Variants in SYPL1 observed in about 807,000 individuals in gnomAD.
SYPL1 encodes the protein synaptophysin like 1, also known as synaptophysin-like protein 1.
A neutral mutation model predicts 23.7 loss-of-function variants in SYPL1; 6 were observed. The ratio of observed to expected loss-of-function variants is 0.25; its 90% CI spans 0.14 to 0.50. SYPL1 has a LOEUF of 0.50. Ranked by LOEUF, SYPL1 falls within the 20% of genes least tolerant of loss-of-function variation. SYPL1 has a pLI of 0.98. For synonymous variants in SYPL1, 102 were observed against 104.5 expected, an observed-to-expected ratio of 0.98 and a Z score of 0.15; for missense variants, 253 against 288.9, an observed-to-expected ratio of 0.88 and a Z score of 0.90.
Position 106,099,151 on chromosome 7 carries a change from AACTC to A in SYPL1, c.194+3_194+6del. 1 of 1,601,068 alleles carries A rather than the reference AACTC, an allele frequency of 6.2e-7. No individual in the cohort carries two copies. The highest frequency in any genetic ancestry group is 1.1e-5 in the South Asian group (1 of 87,634). On this transcript the variant is annotated splice_donor_5th_base_variant and intron_variant, in intron 2 of 4. Transcript: ENST00000455385. ...GTTGTGAAACCATTAAAATAAATAT[AACTC>A]ACCTGAATGGATAACCAAAAGTAGC...
chr7:106,112,200 G>A lies in SYPL1; in HGVS notation c.9C>T (p.Gly3=), dbSNP rs1464004187. 6.5e-7 allele frequency: 1 copy of A among 1,543,644 alleles called. No homozygotes were observed. Among genetic ancestry groups the A allele is most frequent in the Admixed American group, 1.8e-5 (1 of 56,028 alleles). Residue 3 remains glycine, a synonymous_variant, in exon 1 of 5, where the codon GGC becomes GGT. Coordinates refer to ENST00000455385, the MANE Select transcript of SYPL1 (RefSeq NM_182715.4). MS[G]FQINLNPLKE... is the part of the protein sequence containing the mutation. ...TGAGCGGGTTGAGGTTGATCTGGAA[G>A]CCGGACATCCTCTGAGGAAAGGAGG...
chr7:106,112,135 CTCACCCACTCGAGGACCT>C lies in SYPL1; in HGVS notation c.56_69+4del. ...GCGGGCCTGGCCGGCGCGGGCTGCA[CTCACCCACTCGAGGACCT>C]TGATGAAGCCGAGTGGCTCCTTGAG... On this transcript the variant is annotated splice_donor_variant and splice_donor_region_variant and coding_sequence_variant and intron_variant, in exon 1 of 5. Transcript: ENST00000455385. LOFTEE classifies it high-confidence loss of function. The C allele has an allele frequency of 6.6e-7, 1 of 1,509,780 alleles. No homozygotes were observed. The highest frequency in any genetic ancestry group is 8.9e-7 in the Non-Finnish European group (1 of 1,118,688). 93.5% of individuals were successfully genotyped at this position (1,509,780 alleles called of 1,614,324 possible).
chr7:106,102,847 C>T (rs1161841072), intron 1 of SYPL1, among the ~76,000 whole-genome samples: 1 of 152,028 alleles, frequency 6.6e-6, no homozygotes, highest in Non-Finnish European at 1.5e-5. Flanking sequence ...ATGAGCTGCA[C>T]ACAAAAGTAA....
intron 1 of SYPL1, among the ~76,000 whole-genome samples, chr7:106,105,097 T>C (rs1840525571): frequency 6.6e-6 from 1 of 152,190 alleles, no homozygotes; most frequent in African/African-American, 2.4e-5. Context: ...GCAGAGTATG[T>C]GCTTTCCAGG....
rs1491382184 is a variant in SYPL1, at chr7:106,091,340, A to AT, written c.*464dup. The AT allele has an allele frequency of 6.5e-6, 1 of 152,752 alleles. No individual in the cohort carries two copies. The highest frequency in any genetic ancestry group is 1.9e-4 in the East Asian group (1 of 5,200). 9.5% of individuals were successfully genotyped at this position (152,752 alleles called of 1,614,324 possible). A position where few individuals can be genotyped will look rare whatever the true frequency, so the allele number is the denominator to read the frequency against. On this transcript the variant is annotated 3_prime_UTR_variant, in exon 5 of 5. Transcript: ENST00000455385. This position sits in a 1 kb window ranked among gnomAD's most constrained non-coding sequence, Gnocchi z 5.0. ...ATGTTAGATATAAATTTTGAACTCA[A>AT]TATGTTTTTTCCTACATATTTATGT...
chr7:106,105,041 C>T (rs1018090842), intron 1 of SYPL1, among the ~76,000 whole-genome samples: 4 of 152,176 alleles, frequency 2.6e-5, no homozygotes, highest in Non-Finnish European at 4.4e-5. Context: ...CCTACATTCT[C>T]ATAAAGCAAC....
In SYPL1 at chr7:106,095,140, A is replaced by G. The variant is rs1839952603; in HGVS notation, c.403-2003T>C. 6.6e-6 allele frequency among the ~76,000 whole-genome samples: 1 copy of G among 152,084 alleles called. No individual in the cohort carries two copies. Among genetic ancestry groups the G allele is most frequent in the Non-Finnish European group, 1.5e-5 (1 of 68,012 alleles). ...ATTTTCCACATTGCCTTGAAACCTT[A>G]AACTCCTGCTACTTAACAAAAAAAA... On this transcript the variant is annotated intron_variant, in intron 3 of 4. Transcript: ENST00000455385. This position sits in a 1 kb window ranked among gnomAD's most constrained non-coding sequence, Gnocchi z 4.3.
At position 106,096,020 on chromosome 7, in the gene SYPL1, G is replaced by C. The variant is rs1258450497; in HGVS notation, c.402+1670C>G. 1.3e-5 allele frequency among the ~76,000 whole-genome samples: 2 copies of C among 152,014 alleles called. No homozygotes were observed. The highest frequency in any genetic ancestry group is 2.9e-5 in the Non-Finnish European group (2 of 67,990). ...AAAAAATTTGTTGGGATGACAAAAT[G>C]GCAAGAAATAGCTTCTAGTTATAAA... On this transcript the variant is annotated intron_variant, in intron 3 of 4. Coordinates refer to ENST00000455385, the MANE Select transcript of SYPL1 (RefSeq NM_182715.4). This position sits in a 1 kb window ranked among gnomAD's most constrained non-coding sequence, Gnocchi z 4.4.
At chr7:106,094,781 CT>C (rs562783166) in intron 3 of SYPL1, among the ~76,000 whole-genome samples, 4 of 151,096 alleles carry the variant, frequency 2.6e-5, no homozygotes, top group Admixed American at 1.3e-4. Flanking sequence ...CTTCCAAAGT[CT>C]TTTTTTTTCG....
chr7:106,102,096 C>CTT lies in SYPL1; in HGVS notation c.70-2816_70-2815dup, dbSNP rs564357480. On this transcript the variant is annotated intron_variant, in intron 1 of 4. Coordinates refer to ENST00000455385, the MANE Select transcript of SYPL1 (RefSeq NM_182715.4). ...AGACTCAGTTATAAAAAGATTACAACTTTTTTTTTTTTTTGAGACACAGTC... is the reference window on the plus strand; with the variant it reads ...AGACTCAGTTATAAAAAGATTACAACTTTTTTTTTTTTTTTTGAGACACAGTC... Among the ~76,000 whole-genome samples, 359 of 146,968 alleles carry CTT rather than the reference C, an allele frequency of 2.4e-3. 1 individual carries two copies. Among genetic ancestry groups the CTT allele is most frequent in the Admixed American group, 4.1e-3 (60 of 14,800 alleles).
chr7:106,108,513 C>A (rs1273621700), intron 1 of SYPL1, among the ~76,000 whole-genome samples: 1 of 152,086 alleles, frequency 6.6e-6, no homozygotes, highest in Non-Finnish European at 1.5e-5. Flanking sequence ...GTCCCCTGGT[C>A]CACAAACACA....
chr7:106,110,162 C>T (rs767694722), intron 1 of SYPL1, among the ~76,000 whole-genome samples: 1 of 152,118 alleles, frequency 6.6e-6, no homozygotes, highest in Non-Finnish European at 1.5e-5. Flanking sequence ...CAGAAGCAGC[C>T]GACCTCTGAA....
Position 106,096,112 on chromosome 7 carries a change from T to C in SYPL1, c.402+1578A>G, listed in dbSNP as rs137998719. Among the ~76,000 whole-genome samples, 195 of 152,322 alleles carry C rather than the reference T, an allele frequency of 1.3e-3. 1 individual carries two copies. The highest frequency in any genetic ancestry group is 4.3e-3 in the African/African-American group (179 of 41,582). ...TCCCTTTTAAATAAGATTTGAAAAG[T>C]CTGCAGAAGACACAGATTCCTAACA... is the stretch of plus-strand genomic sequence containing the variant. On this transcript the variant is annotated intron_variant, in intron 3 of 4. Coordinates refer to ENST00000455385, the MANE Select transcript of SYPL1 (RefSeq NM_182715.4). This position sits in a 1 kb window ranked among gnomAD's most constrained non-coding sequence, Gnocchi z 4.4.
chr7:106,103,426 C>G (rs902404235), intron 1 of SYPL1, among the ~76,000 whole-genome samples: 1 of 152,168 alleles, frequency 6.6e-6, no homozygotes, highest in Non-Finnish European at 1.5e-5. Context: ...ACTAACCCAG[C>G]AGACTCTTTC....
Position 106,097,577 on chromosome 7 carries a change from G to A in SYPL1, c.402+113C>T. On this transcript the variant is annotated intron_variant, in intron 3 of 4. Transcript: ENST00000455385. The surrounding 1 kb of genome is among the most constrained non-coding windows in gnomAD (Gnocchi z 4.6). ...AAGCTCAACCTCGTGGCAAACACAG[G>A]CTAAAATATGCTGAACTGGCTTACA... 3.1e-6 allele frequency: 3 copies of A among 970,488 alleles called. No individual in the cohort carries two copies. The highest frequency in any genetic ancestry group is 4.3e-6 in the Non-Finnish European group (3 of 692,834). The allele number at this position is 970,488 out of a possible 1,614,324, so 60.1% of individuals were successfully genotyped here.
Position 106,097,756 on chromosome 7 carries a change from A to G in SYPL1, c.336T>C (p.Ile112=). ...TFAVFVFLYC[I]AALLLYVGYT... ...AGCCAACATAAAGCAGAAGGGCAGC[A>G]ATGCAGTACAGGAACACAAAGACTG... Residue 112 remains isoleucine, a synonymous_variant, in exon 3 of 5, where the codon ATT becomes ATC. Coordinates refer to ENST00000455385, the MANE Select transcript of SYPL1 (RefSeq NM_182715.4). This position sits in a 1 kb window ranked among gnomAD's most constrained non-coding sequence, Gnocchi z 4.6. 6.2e-7 allele frequency: 1 copy of G among 1,614,096 alleles called. No homozygotes were observed. Among genetic ancestry groups the G allele is most frequent in the Non-Finnish European group, 8.5e-7 (1 of 1,179,956 alleles).
chr7:106,109,035 C>A lies in SYPL1; in HGVS notation c.69+3105G>T, dbSNP rs1169162716. Among the ~76,000 whole-genome samples the A allele has an allele frequency of 6.6e-6, 1 of 151,934 alleles. No individual in the cohort carries two copies. Among genetic ancestry groups the A allele is most frequent in the African/African-American group, 2.4e-5 (1 of 41,358 alleles). On this transcript the variant is annotated intron_variant, in intron 1 of 4. Coordinates refer to ENST00000455385, the MANE Select transcript of SYPL1 (RefSeq NM_182715.4). The surrounding 1 kb of genome is among the most constrained non-coding windows in gnomAD (Gnocchi z 4.3). ...CATACTTGCAGTTAAAAACAAAAAA[C>A]CAAAAACAAAAAAGAACAAAAAACC...
chr7:106,097,574 C>T lies in SYPL1; in HGVS notation c.402+116G>A. Reference sequence around the variant, plus strand: ...AGAAAGCTCAACCTCGTGGCAAACACAGGCTAAAATATGCTGAACTGGCTT... The same window carrying T: ...AGAAAGCTCAACCTCGTGGCAAACATAGGCTAAAATATGCTGAACTGGCTT... On this transcript the variant is annotated intron_variant, in intron 3 of 4. Transcript: ENST00000455385. This position sits in a 1 kb window ranked among gnomAD's most constrained non-coding sequence, Gnocchi z 4.6. 2.1e-6 allele frequency: 2 copies of T among 932,562 alleles called. No homozygotes were observed. The highest frequency in any genetic ancestry group is 3.0e-6 in the Non-Finnish European group (2 of 662,428). 57.8% of individuals were successfully genotyped at this position (932,562 alleles called of 1,614,324 possible).
At position 106,095,515 on chromosome 7, in the gene SYPL1, AT is replaced by A. The variant is rs1839975925; in HGVS notation, c.402+2174del. Reference sequence around the variant, plus strand: ...AGGTGCCCACCACCATGTCCAGCTAATTTTTGTATTTTTAGCAGAGATGGGG... The same window carrying A: ...AGGTGCCCACCACCATGTCCAGCTAATTTTGTATTTTTAGCAGAGATGGGG... On this transcript the variant is annotated intron_variant, in intron 3 of 4. Coordinates refer to ENST00000455385, the MANE Select transcript of SYPL1 (RefSeq NM_182715.4). This position sits in a 1 kb window ranked among gnomAD's most constrained non-coding sequence, Gnocchi z 4.3. Among the ~76,000 whole-genome samples, 1 of 151,842 alleles carries A rather than the reference AT, an allele frequency of 6.6e-6. No individual in the cohort carries two copies. The highest frequency in any genetic ancestry group is 2.1e-4 in the South Asian group (1 of 4,802).
Sources: allele counts gnomAD v4.1 joint callset (sites outside exome capture counted in the v4.1 genomes callset), GRCh38; gene constraint gnomAD v4.1.1; non-coding constraint Gnocchi (gnomAD v3.1); transcripts MANE v1.5; gene names NCBI Gene and HGNC (gene_info 2026-07-23, HGNC 2026-07-21).